The following RHOBTB1 variants were observed in gnomAD, a reference collection of about 807,000 sequenced individuals.
RHOBTB1 encodes Rho related BTB domain containing 1, also known as rho-related BTB domain-containing protein 1.
Under a neutral mutation model 71.6 loss-of-function variants are expected in RHOBTB1, and 40 were observed. The ratio of observed to expected loss-of-function variants is 0.56; its 90% CI spans 0.43 to 0.73. The LOEUF (loss-of-function observed/expected upper bound fraction) is 0.73, where lower values mean the gene tolerates loss of function less well. Among genes scored for constraint, RHOBTB1 ranks in the 30% least tolerant of loss-of-function variants. The pLI, the probability that RHOBTB1 is intolerant of heterozygous loss-of-function variation, is 0.00. For synonymous variants in RHOBTB1, 319 were observed against 334.9 expected, an observed-to-expected ratio of 0.95 and a Z score of 0.52; for missense variants, 797 against 894.0, an observed-to-expected ratio of 0.89 and a Z score of 1.38.
In RHOBTB1 at chr10:60,871,248, A is replaced by C. The variant is rs1429660754; in HGVS notation, c.*234T>G. ...AAGCCTCCTAACAAAAAAAATATAC[A>C]TATCAGTTTAAGGAATGCAGTGAGA... On this transcript the variant is annotated 3_prime_UTR_variant, in exon 11 of 11. Coordinates refer to ENST00000337910, the MANE Select transcript of RHOBTB1 (RefSeq NM_014836.5). 1 of 394,616 alleles carries C rather than the reference A, an allele frequency of 2.5e-6. No homozygotes were observed. Among genetic ancestry groups the C allele is most frequent in the African/African-American group, 2.1e-5 (1 of 48,516 alleles). The allele number at this position is 394,616 out of a possible 1,614,324, so 24.4% of individuals were successfully genotyped here.
chr10:60,913,947 G>A (rs2083130714), intron 2 of RHOBTB1, among the ~76,000 whole-genome samples: 1 of 152,160 alleles, frequency 6.6e-6, no homozygotes, highest in East Asian at 1.9e-4. Flanking sequence ...TGCCGTAACT[G>A]ACACACTGAT....
intron 1 of RHOBTB1, among the ~76,000 whole-genome samples, chr10:60,992,523 T>A (rs888132421): frequency 6.6e-6 from 1 of 152,220 alleles, no homozygotes; most frequent in Admixed American, 6.5e-5. Context: ...TTTTTATATC[T>A]TAGCTTCTAA....
chr10:60,953,727 G>A (rs1003577997), intron 2 of RHOBTB1, among the ~76,000 whole-genome samples: 2 of 151,894 alleles, frequency 1.3e-5, no homozygotes, highest in African/African-American at 4.8e-5. Context: ...TAATATTTCT[G>A]GGCTTGATGT....
intron 7 of RHOBTB1, among the ~76,000 whole-genome samples, chr10:60,885,723 A>C (rs139120810): frequency 1.1e-4 from 17 of 152,236 alleles, no homozygotes; most frequent in Admixed American, 3.3e-4. Context: ...TCCCTTTCTG[A>C]ACTACTGGGA....
At chr10:60,938,906 T>C (rs1190765079) in intron 2 of RHOBTB1, among the ~76,000 whole-genome samples, 2 of 152,026 alleles carry the variant, frequency 1.3e-5, no homozygotes, top group Non-Finnish European at 1.5e-5. Context: ...TGGCATCTAG[T>C]AGGGGCATAA....
chr10:60,961,719 A>G (rs1391232578), intron 2 of RHOBTB1, among the ~76,000 whole-genome samples: 1 of 152,200 alleles, frequency 6.6e-6, no homozygotes, highest in African/African-American at 2.4e-5. Context: ...AAGTGCTTTC[A>G]CAAGCTATAC....
chr10:60,977,422 A>T (rs1334173416), intron 2 of RHOBTB1, among the ~76,000 whole-genome samples: 2 of 152,070 alleles, frequency 1.3e-5, no homozygotes, highest in African/African-American at 4.8e-5. Flanking sequence ...AATTTTACAG[A>T]TGCAAAAATT....
chr10:60,950,256 T>A (rs2085366791), intron 2 of RHOBTB1, among the ~76,000 whole-genome samples: 1 of 152,312 alleles, frequency 6.6e-6, no homozygotes, highest in Non-Finnish European at 1.5e-5. Context: ...TTTGACATTT[T>A]AAAAAGCAAA....
intron 7 of RHOBTB1, among the ~76,000 whole-genome samples, chr10:60,881,551 T>A (rs1036993041): frequency 2.6e-5 from 4 of 152,150 alleles, no homozygotes; most frequent in African/African-American, 9.7e-5. Context: ...GGCCCAGGGA[T>A]ATATCACTAA....
At chr10:60,878,106 TG>T (rs778223753) in intron 7 of RHOBTB1, 48 bp from the exon 8 acceptor site, 7 of 1,507,156 alleles carry the variant, frequency 4.6e-6, no homozygotes, top group Admixed American at 1.7e-5. Context: ...AAGCAGGGAG[TG>T]GGCACATTTT....
intron 4 of RHOBTB1, among the ~76,000 whole-genome samples, chr10:60,902,745 T>C (rs4437981): frequency 0.29 from 44,468 of 151,946 alleles, 9,371 homozygotes; most frequent in African/African-American, 0.6. Flanking sequence ...TGATCCATCA[T>C]TTGTTATTCT....
rs1214300246 is a variant in RHOBTB1 at position 60,879,494 on chromosome 10, G to A, written c.1576-1436C>T. Among the ~76,000 whole-genome samples, 6 of 151,700 alleles carry A rather than the reference G, an allele frequency of 4.0e-5. No individual in the cohort carries two copies. The East Asian group carries it at 9.7e-4, about 24-fold the overall frequency. On this transcript the variant is annotated intron_variant, in intron 7 of 10. Transcript: ENST00000337910. ...GACTACAGGCAGTGCCACCACGCCC[G>A]GCTAATTTATTTTATTAATTTTTTT...
chr10:60,938,013 T>C (rs2084688165), intron 2 of RHOBTB1, among the ~76,000 whole-genome samples: 2 of 152,182 alleles, frequency 1.3e-5, no homozygotes, highest in Admixed American at 1.3e-4. Context: ...CGAAGTTGCA[T>C]AGTTAATGAA....
At chr10:60,905,749 T>C (rs1343475826) in intron 4 of RHOBTB1, among the ~76,000 whole-genome samples, 1 of 152,142 alleles carries the variant, frequency 6.6e-6, no homozygotes, top group African/African-American at 2.4e-5. Flanking sequence ...AACATCATCA[T>C]TACAATGTTA....
chr10:60,911,694 C>T (rs768698225), intron 2 of RHOBTB1, 142 bp from the exon 3 acceptor site: 29 of 684,726 alleles, frequency 4.2e-5, no homozygotes, highest in East Asian at 2.0e-4. Flanking sequence ...TTTGGAAGTT[C>T]GTACTAAGCC....
At chr10:60,996,639 C>A (rs1406757636) in intron 1 of RHOBTB1, among the ~76,000 whole-genome samples, 1 of 152,128 alleles carries the variant, frequency 6.6e-6, no homozygotes, top group Non-Finnish European at 1.5e-5. Flanking sequence ...AGGAGGACGT[C>A]CAGAGCTTTT....
At chr10:60,958,004 T>A (rs1279547230) in intron 2 of RHOBTB1, among the ~76,000 whole-genome samples, 1 of 152,200 alleles carries the variant, frequency 6.6e-6, no homozygotes, top group Non-Finnish European at 1.5e-5. Flanking sequence ...AGACACCACT[T>A]GTGAGTGTCT....
intron 4 of RHOBTB1, among the ~76,000 whole-genome samples, chr10:60,899,742 C>A (rs1015284044): frequency 6.6e-6 from 1 of 152,230 alleles, no homozygotes; most frequent in African/African-American, 2.4e-5. Flanking sequence ...AAGACACAAA[C>A]TGCTGTCCTT....
At chr10:60,959,348 AATCCAGATAT>A in intron 2 of RHOBTB1, among the ~76,000 whole-genome samples, 1 of 152,252 alleles carries the variant, frequency 6.6e-6, no homozygotes, top group East Asian at 1.9e-4. Flanking sequence ...GAGAAAGCAA[AATCCAGATAT>A]CTAACTCCAC....
Sources: allele counts gnomAD v4.1 joint callset (sites outside exome capture counted in the v4.1 genomes callset), GRCh38; gene constraint gnomAD v4.1.1; transcripts MANE v1.5; gene names NCBI Gene and HGNC (gene_info 2026-07-23, HGNC 2026-07-21).